ERMARD: variants seen among roughly 807,000 people sequenced by gnomAD.
ERMARD encodes endoplasmic reticulum membrane-associated RNA degradation protein.
ERMARD carries 71 observed loss-of-function variants against 83.9 expected under a neutral mutation model. That is an observed-to-expected ratio of 0.85 (90% CI 0.70 to 1.03). ERMARD has a LOEUF of 1.03. Ranked by LOEUF, ERMARD falls within the 50% of genes least tolerant of loss-of-function variation. ERMARD has a pLI of 0.00. For synonymous variants in ERMARD, 284 were observed against 298.6 expected (o/e 0.95, Z 0.50); for missense variants, 838 against 810.9 (o/e 1.03, Z -0.41).
rs184347489 is a variant in ERMARD, at chr6:169,775,731, C to T, written c.1395-209C>T. On this transcript the variant is annotated intron_variant, in intron 14 of 17. Coordinates refer to ENST00000366773, the MANE Select transcript of ERMARD (RefSeq NM_018341.3). ...CAGGAAGAATACGCAGGTGGTTCATCGTCTCGTCGTCACTGGACTTTGCTC... is the reference window on the plus strand; with the variant it reads ...CAGGAAGAATACGCAGGTGGTTCATTGTCTCGTCGTCACTGGACTTTGCTC... 9.9e-3 allele frequency: 6,361 copies of T among 642,936 alleles called. 37 individuals carry two copies. The highest frequency in any genetic ancestry group is 0.013 in the Non-Finnish European group (4,840 of 379,062). The allele number at this position is 642,936 out of a possible 1,614,324, so 39.8% of individuals were successfully genotyped here.
At chr6:169,753,343 T>G (rs1367672288) in intron 1 of ERMARD, 2 of 154,362 alleles carry the variant, frequency 1.3e-5, no homozygotes, top group Non-Finnish European at 2.9e-5. Flanking sequence ...GACATTGTGG[T>G]TTTCTTCAAC....
chr6:169,779,204 C>T lies in ERMARD; in HGVS notation c.1762C>T (p.Leu588Phe). 1 of 1,614,212 alleles carries T rather than the reference C, an allele frequency of 6.2e-7. No homozygotes were observed. Among genetic ancestry groups the T allele is most frequent in the Non-Finnish European group, 8.5e-7 (1 of 1,180,000 alleles). ...TAGTATCAGACTACTGTCCCCTGTG[C>T]TCAGCCTGATACTGTTACTCATTGC... ...WSSIRLLSPV[L>F]SLILLLIALE... Residue 588 changes from leucine to phenylalanine, a missense_variant, in exon 17 of 18, where the codon CTC (leucine) becomes TTC (phenylalanine). Coordinates refer to ENST00000366773, the MANE Select transcript of ERMARD (RefSeq NM_018341.3).
At chr6:169,759,338 A>T (rs942501004) in intron 6 of ERMARD, among the ~76,000 whole-genome samples, 2 of 152,162 alleles carry the variant, frequency 1.3e-5, no homozygotes, top group African/African-American at 2.4e-5. Context: ...CCTGAGTTTC[A>T]TTAGGGTCTT....
chr6:169,755,201 AT>A (rs1790641369), intron 2 of ERMARD, 81 bp from the exon 3 acceptor site: 11 of 1,488,618 alleles, frequency 7.4e-6, no homozygotes, highest in East Asian at 2.3e-5. Context: ...TAATTAAAGC[AT>A]TTTTTTCTTT....
intron 8 of ERMARD, among the ~76,000 whole-genome samples, chr6:169,761,640 CTAGT>C (rs2128347359): frequency 1.3e-5 from 2 of 152,134 alleles, no homozygotes; most frequent in East Asian, 3.9e-4. Flanking sequence ...TTTAAAATCA[CTAGT>C]TAGTGAAACT....
intron 9 of ERMARD, among the ~76,000 whole-genome samples, chr6:169,765,291 A>G (rs1295527793): frequency 5.2e-5 from 8 of 152,400 alleles, no homozygotes; most frequent in East Asian, 3.9e-4. Context: ...GCTTTCACCC[A>G]GAATAAACAG....
At chr6:169,769,833 C>A in intron 12 of ERMARD, 120 bp downstream of exon 12, 1 of 906,648 alleles carries the variant, frequency 1.1e-6, no homozygotes, top group Non-Finnish European at 1.6e-6. Context: ...TTACAGTATC[C>A]TCCATCAGAA....
At chr6:169,765,555 C>T (rs1276980060) in intron 9 of ERMARD, among the ~76,000 whole-genome samples, 1 of 152,080 alleles carries the variant, frequency 6.6e-6, no homozygotes, top group Non-Finnish European at 1.5e-5. Context: ...ATGAAAAATT[C>T]TGCTTTTTGG....
chr6:169,772,482 TG>T (rs1793061256), intron 12 of ERMARD, among the ~76,000 whole-genome samples: 3 of 152,036 alleles, frequency 2.0e-5, no homozygotes, highest in Admixed American at 2.0e-4. Context: ...TTGTAGGTAG[TG>T]GGCCAGGCAC....
At chr6:169,762,681 G>T in intron 9 of ERMARD, 150 bp downstream of exon 9, 2 of 617,146 alleles carry the variant, frequency 3.2e-6, no homozygotes, top group Non-Finnish European at 2.8e-6. Context: ...CATTTCTATA[G>T]GATTTATATT....
At chr6:169,761,348 A>G (rs1190766022) in intron 8 of ERMARD, among the ~76,000 whole-genome samples, 2 of 151,876 alleles carry the variant, frequency 1.3e-5, no homozygotes, top group African/African-American at 4.8e-5. Context: ...TCCTGAGTAG[A>G]TAGGACTGTA....
Position 169,781,441 on chromosome 6 carries a change from G to A in ERMARD, c.1965G>A (p.Met655Ile). ...INLTHTALLK[M>I]WTFSEKKQML... Reference sequence around the variant, plus strand: ...TTACACATACAGCTTTGTTGAAAATGTGGACTTTTAGTGAGAAGAAACAAA... The same window carrying A: ...TTACACATACAGCTTTGTTGAAAATATGGACTTTTAGTGAGAAGAAACAAA... Residue 655 changes from methionine to isoleucine, a missense_variant, in exon 18 of 18, where the codon ATG becomes ATA. Met to Ile is a conservative substitution (Grantham distance 10, BLOSUM62 1). Coordinates refer to ENST00000366773, the MANE Select transcript of ERMARD (RefSeq NM_018341.3). The A allele has an allele frequency of 1.2e-6, 2 of 1,612,544 alleles. No individual in the cohort carries two copies.
intron 6 of ERMARD, 63 bp from the exon 7 acceptor site, chr6:169,759,775 G>A: frequency 6.9e-7 from 1 of 1,442,958 alleles, no homozygotes; most frequent in South Asian, 1.2e-5. Flanking sequence ...ATTTTTCACA[G>A]TGAAGCTTTT....
At chr6:169,766,907 C>G in intron 10 of ERMARD, 2 of 421,314 alleles carry the variant, frequency 4.7e-6, no homozygotes, top group Non-Finnish European at 8.4e-6. Context: ...ACCAAGGGAT[C>G]TAACATGATT....
chr6:169,751,957 G>T, intron 1 of ERMARD: 1 of 436,382 alleles, frequency 2.3e-6, no homozygotes, highest in Non-Finnish European at 4.0e-6. Context: ...GGCTGTGCGC[G>T]GTGGCGCGGG....
chr6:169,756,526 A>T, intron 4 of ERMARD, 87 bp downstream of exon 4: 1 of 1,095,074 alleles, frequency 9.1e-7, no homozygotes, highest in Middle Eastern at 2.1e-4. Context: ...AGTTTTCTTG[A>T]TTATTTTCCT....
chr6:169,758,808 A>G (rs1791148816), intron 5 of ERMARD, among the ~76,000 whole-genome samples, 160 bp from the exon 6 acceptor site: 1 of 152,218 alleles, frequency 6.6e-6, no homozygotes, highest in African/African-American at 2.4e-5. Flanking sequence ...TGTCTAGCAC[A>G]TATTAAACAC....
intron 7 of ERMARD, among the ~76,000 whole-genome samples, chr6:169,760,439 T>C (rs1791400288): frequency 6.6e-6 from 1 of 152,166 alleles, no homozygotes; most frequent in South Asian, 2.1e-4. Context: ...ACTGAAGAGA[T>C]GTCCATGCCC....
intron 9 of ERMARD, among the ~76,000 whole-genome samples, chr6:169,765,759 C>T (rs1004231426): frequency 2.0e-5 from 3 of 152,160 alleles, no homozygotes; most frequent in African/African-American, 7.2e-5. Context: ...AATCAAAAAA[C>T]ATTTCTTGAG....
Sources: gnomAD v4.1 joint callset for allele counts (sites outside exome capture counted in the v4.1 genomes callset) on GRCh38, gnomAD v4.1.1 for gene constraint, MANE v1.5 for transcripts, NCBI Gene and HGNC (gene_info 2026-07-23, HGNC 2026-07-21) for gene names.